The following LIN52 variants were observed in gnomAD, a reference collection of about 807,000 sequenced individuals.
The protein encoded by LIN52 is protein lin-52 homolog.
LIN52 carries 4 observed loss-of-function variants against 18.5 expected under a neutral mutation model. The observed-to-expected ratio is 0.22, with a 90% CI of 0.11 to 0.49. The LOEUF is 0.49. Among genes scored for constraint, LIN52 ranks in the 20% least tolerant of loss-of-function variants. The pLI, the probability that LIN52 is intolerant of heterozygous loss-of-function variation, is 0.97. For synonymous variants in LIN52, 34 were observed against 45.5 expected (o/e 0.75, Z 1.02); for missense variants, 102 against 139.5 (o/e 0.73, Z 1.35).
chr14:74,122,529 T>C (rs2061006197), intron 5 of LIN52, among the ~76,000 whole-genome samples: 1 of 152,164 alleles, frequency 6.6e-6, no homozygotes, highest in East Asian at 1.9e-4. Flanking sequence ...CACTGGACAC[T>C]TGTGAGAGTA....
At chr14:74,190,382 T>C (rs982379679) in intron 5 of LIN52, among the ~76,000 whole-genome samples, 1 of 130,822 alleles carries the variant, frequency 7.6e-6, no homozygotes, top group African/African-American at 2.9e-5. Context: ...TTATTATGCC[T>C]AAATAACTTT....
At chr14:74,096,057 CTTTAT>C (rs969000651) in intron 3 of LIN52, 72 bp downstream of exon 3, 154 of 1,035,324 alleles carry the variant, frequency 1.5e-4, no homozygotes, top group South Asian at 2.8e-4. Context: ...GATCTCTGTT[CTTTAT>C]TTTATTTTAT....
chr14:74,093,775 A>G (rs753279514), intron 2 of LIN52, among the ~76,000 whole-genome samples: 1 of 152,208 alleles, frequency 6.6e-6, no homozygotes, highest in Non-Finnish European at 1.5e-5. Context: ...AGATCAGCCT[A>G]GCTAACATGG....
At chr14:74,151,852 A>C (rs1044641426) in intron 5 of LIN52, among the ~76,000 whole-genome samples, 8 of 152,074 alleles carry the variant, frequency 5.3e-5, no homozygotes, top group Non-Finnish European at 1.2e-4. Flanking sequence ...AAATCACTTA[A>C]CCTGCCATTT....
In LIN52 at chr14:74,195,798, G is replaced by A. The variant is rs149234929; in HGVS notation, c.284-3124G>A. On this transcript the variant is annotated intron_variant, in intron 5 of 5. Coordinates refer to ENST00000555028, the MANE Select transcript of LIN52 (RefSeq NM_001024674.3). ...GTTCGGTTAGCGGGCGGTGATTACTGTAGCAGGTCGGTAAGAATCTTCGCC... is the reference window on the plus strand; with the variant it reads ...GTTCGGTTAGCGGGCGGTGATTACTATAGCAGGTCGGTAAGAATCTTCGCC... Among the ~76,000 whole-genome samples, 287 of 152,262 alleles carry A rather than the reference G, an allele frequency of 1.9e-3. 2 individuals are homozygous for A. The highest frequency in any genetic ancestry group is 3.4e-3 in the Middle Eastern group (1 of 294).
At chr14:74,198,190 C>G (rs921148932) in intron 5 of LIN52, among the ~76,000 whole-genome samples, 46 of 152,134 alleles carry the variant, frequency 3.0e-4, no homozygotes, top group African/African-American at 1.1e-3. Flanking sequence ...TGGAGTAGCC[C>G]TTGTAATTGA....
chr14:74,164,967 G>A (rs575592337), intron 5 of LIN52, among the ~76,000 whole-genome samples: 10 of 152,186 alleles, frequency 6.6e-5, no homozygotes, highest in East Asian at 1.9e-4. Context: ...TTGATAAATC[G>A]CATGATTTAC....
intron 2 of LIN52, among the ~76,000 whole-genome samples, chr14:74,094,108 G>A (rs1462864275): frequency 6.6e-6 from 1 of 152,006 alleles, no homozygotes. Flanking sequence ...TATGCATGTG[G>A]CCTGCCACTT....
chr14:74,156,778 C>G (rs1246841490), intron 5 of LIN52, among the ~76,000 whole-genome samples: 1 of 152,118 alleles, frequency 6.6e-6, no homozygotes, highest in Admixed American at 6.6e-5. Flanking sequence ...TATCCATTGA[C>G]CAACCTCTCC....
chr14:74,143,834 A>G (rs1178064978), intron 5 of LIN52, among the ~76,000 whole-genome samples: 3 of 152,036 alleles, frequency 2.0e-5, no homozygotes, highest in African/African-American at 7.2e-5. Context: ...GTGATACCTT[A>G]CTGTTAACTA....
At chr14:74,154,016 C>G (rs1213239626) in intron 5 of LIN52, among the ~76,000 whole-genome samples, 3 of 152,138 alleles carry the variant, frequency 2.0e-5, no homozygotes, top group Non-Finnish European at 2.9e-5. Flanking sequence ...TCCCATATAA[C>G]CCACATGGAA....
intron 5 of LIN52, among the ~76,000 whole-genome samples, chr14:74,145,480 T>C (rs8021369): frequency 0.17 from 26,296 of 152,234 alleles, 2,778 homozygotes; most frequent in East Asian, 0.58. Context: ...TAAAAGATTC[T>C]CTATGGAATC....
chr14:74,179,848 G>C (rs969470546), intron 5 of LIN52, among the ~76,000 whole-genome samples: 2 of 151,992 alleles, frequency 1.3e-5, no homozygotes, highest in African/African-American at 4.8e-5. Flanking sequence ...AGAGCTGCAG[G>C]GAACTGGAAA....
At chr14:74,097,907 C>T (rs764301299) in intron 4 of LIN52, 47 bp downstream of exon 4, 4 of 1,359,080 alleles carry the variant, frequency 2.9e-6, no homozygotes, top group Non-Finnish European at 3.1e-6. Context: ...TATGTTTTTC[C>T]ATAGACCACC....
chr14:74,196,099 G>A (rs138126990), intron 5 of LIN52, among the ~76,000 whole-genome samples: 7 of 152,300 alleles, frequency 4.6e-5, no homozygotes, highest in African/African-American at 1.7e-4. Context: ...CCATGTAGGA[G>A]ATGATGTCTT....
intron 5 of LIN52, among the ~76,000 whole-genome samples, chr14:74,163,493 G>A (rs1336592649): frequency 6.6e-6 from 1 of 152,138 alleles, no homozygotes; most frequent in Non-Finnish European, 1.5e-5. Context: ...TAGGAGTGGG[G>A]GGGATGACAA....
At chr14:74,163,628 A>AT (rs908156391) in intron 5 of LIN52, among the ~76,000 whole-genome samples, 149 of 152,266 alleles carry the variant, frequency 9.8e-4, no homozygotes, top group Middle Eastern at 3.4e-3. Context: ...TACTAAAACA[A>AT]TTTTTTTAAA....
chr14:74,085,255 G>T, intron 1 of LIN52: 1 of 369,726 alleles, frequency 2.7e-6, no homozygotes, highest in East Asian at 3.8e-5. Flanking sequence ...AAGGACAGGG[G>T]GGTCGCCCTG....
chr14:74,088,131 C>T (rs2060748055), intron 1 of LIN52, among the ~76,000 whole-genome samples: 1 of 152,012 alleles, frequency 6.6e-6, no homozygotes, highest in Non-Finnish European at 1.5e-5. Flanking sequence ...CACTCTGTCA[C>T]CCAGGCTGGA....
Sources: gnomAD v4.1 joint callset for allele counts (sites outside exome capture counted in the v4.1 genomes callset) on GRCh38, gnomAD v4.1.1 for gene constraint, MANE v1.5 for transcripts, NCBI Gene and HGNC (gene_info 2026-07-23, HGNC 2026-07-21) for gene names.